Variants in RBMS3 observed in about 807,000 individuals in gnomAD.
RBMS3 encodes the protein RNA-binding motif, single-stranded-interacting protein 3.
In RBMS3, 27 loss-of-function variants were observed where a neutral mutation model predicts 66.8. The observed-to-expected ratio is 0.40, with a 90% CI of 0.30 to 0.56. The LOEUF (loss-of-function observed/expected upper bound fraction) is 0.56. RBMS3 is among the 20% of genes least tolerant of loss of function. The pLI, the probability that RBMS3 is intolerant of heterozygous loss-of-function variation, is 0.40. For missense variants in RBMS3, 513 were observed against 549.5 expected, an observed-to-expected ratio of 0.93 and a Z score of 0.66; for synonymous variants, 188 against 183.0, an observed-to-expected ratio of 1.03 and a Z score of -0.22.
intron 4 of RBMS3, among the ~76,000 whole-genome samples, chr3:29,673,756 T>C (rs945772391): frequency 6.6e-6 from 1 of 152,004 alleles, no homozygotes; most frequent in Non-Finnish European, 1.5e-5. Flanking sequence ...ATTGAGGCAA[T>C]AGTTAATAGC....
chr3:29,401,395 G>A (rs944356226), intron 1 of RBMS3, among the ~76,000 whole-genome samples: 10 of 151,944 alleles, frequency 6.6e-5, no homozygotes, highest in South Asian at 2.1e-4. Flanking sequence ...AGGCTGTCCC[G>A]CGTTTACAGT....
intron 1 of RBMS3, among the ~76,000 whole-genome samples, chr3:29,331,362 TA>T (rs1197392344): frequency 6.6e-6 from 1 of 152,084 alleles, no homozygotes; most frequent in Non-Finnish European, 1.5e-5. Flanking sequence ...TCCCTTTCCT[TA>T]AGTTAAGACG....
intron 3 of RBMS3, among the ~76,000 whole-genome samples, chr3:29,529,809 C>T (rs560421502): frequency 5.9e-5 from 9 of 152,082 alleles, no homozygotes; most frequent in South Asian, 2.1e-4. Context: ...GGTGAAATTA[C>T]GGGATTTTTT....
At chr3:29,543,966 C>G (rs976278711) in intron 3 of RBMS3, among the ~76,000 whole-genome samples, 8 of 151,922 alleles carry the variant, frequency 5.3e-5, no homozygotes, top group Admixed American at 5.3e-4. Flanking sequence ...TATCAAATAA[C>G]TGTTCATCAT....
chr3:29,528,241 T>C (rs191019276), intron 3 of RBMS3, among the ~76,000 whole-genome samples: 112 of 151,376 alleles, frequency 7.4e-4, no homozygotes, highest in African/African-American at 2.5e-3. Context: ...GCCTCTCAAA[T>C]AGCTGGGATT....
chr3:29,863,407 T>C (rs2059267189), intron 6 of RBMS3, among the ~76,000 whole-genome samples: 1 of 152,162 alleles, frequency 6.6e-6, no homozygotes, highest in African/African-American at 2.4e-5. Context: ...TCTGGAATTT[T>C]TTTAAATGTA....
At chr3:29,865,692 A>C (rs1391638617) in intron 6 of RBMS3, among the ~76,000 whole-genome samples, 1 of 152,188 alleles carries the variant, frequency 6.6e-6, no homozygotes, top group Non-Finnish European at 1.5e-5. Flanking sequence ...CCAAGAGGAC[A>C]ATCAAGTTCG....
intron 4 of RBMS3, among the ~76,000 whole-genome samples, chr3:29,738,560 A>G (rs1173465025): frequency 6.6e-6 from 1 of 152,236 alleles, no homozygotes; most frequent in East Asian, 1.9e-4. Flanking sequence ...TTATTTAAGC[A>G]TTATTGGTGC....
intron 3 of RBMS3, among the ~76,000 whole-genome samples, chr3:29,496,337 T>C (rs1229363553): frequency 6.6e-6 from 1 of 152,208 alleles, no homozygotes; most frequent in Non-Finnish European, 1.5e-5. Context: ...AGTATTAAGT[T>C]TACCACCAGT....
At chr3:29,944,120 G>T (rs1349335940) in intron 11 of RBMS3, 87 bp from the exon 12 acceptor site, 1 of 1,215,088 alleles carries the variant, frequency 8.2e-7, no homozygotes, top group African/African-American at 1.5e-5. Context: ...ATGACACACA[G>T]CGGACTCTTC....
intron 2 of RBMS3, 81 bp from the exon 3 acceptor site, chr3:29,488,360 T>A: frequency 8.3e-7 from 1 of 1,199,106 alleles, no homozygotes; most frequent in Middle Eastern, 2.5e-4. Flanking sequence ...CAGTTGTGTG[T>A]GCCCCGATGT....
At chr3:29,587,955 A>G (rs1429583470) in intron 4 of RBMS3, among the ~76,000 whole-genome samples, 16 of 152,052 alleles carry the variant, frequency 1.1e-4, no homozygotes, top group Admixed American at 9.2e-4. Flanking sequence ...TGGTGGTTAC[A>G]AGAATCTATA....
chr3:29,382,902 A>G (rs2038832695), intron 1 of RBMS3, among the ~76,000 whole-genome samples: 1 of 152,184 alleles, frequency 6.6e-6, no homozygotes, highest in South Asian at 2.1e-4. Context: ...TGATTAATGA[A>G]CAAGCCACAC....
At chr3:29,742,501 TCTC>T (rs2054691622) in intron 5 of RBMS3, among the ~76,000 whole-genome samples, 3 of 152,220 alleles carry the variant, frequency 2.0e-5, no homozygotes, top group Admixed American at 1.3e-4. Flanking sequence ...CCATGGCTCT[TCTC>T]CTGACTTCTG....
intron 1 of RBMS3, among the ~76,000 whole-genome samples, chr3:29,392,501 A>G (rs1158297501): frequency 6.6e-6 from 1 of 152,172 alleles, no homozygotes; most frequent in Admixed American, 6.5e-5. Flanking sequence ...AAATATTTGT[A>G]AAATAGTTGC....
At chr3:29,565,307 T>C (rs577084587) in intron 3 of RBMS3, among the ~76,000 whole-genome samples, 1 of 152,268 alleles carries the variant, frequency 6.6e-6, no homozygotes, top group African/African-American at 2.4e-5. Flanking sequence ...AAATGCACCA[T>C]AAAGAAAAAA....
chr3:29,361,250 C>T (rs1021195103), intron 1 of RBMS3, among the ~76,000 whole-genome samples: 1 of 151,984 alleles, frequency 6.6e-6, no homozygotes, highest in South Asian at 2.1e-4. Flanking sequence ...CTGGTGGTGA[C>T]AAAATCTCTC....
At position 29,409,872 on chromosome 3, in the gene RBMS3, GA is replaced by G. The variant is rs369892200; in HGVS notation, c.76-24870del. Among the ~76,000 whole-genome samples the G allele has an allele frequency of 3.3e-5, 5 of 152,232 alleles. No individual in the cohort carries two copies. The East Asian group carries it at 7.7e-4, about 23-fold the overall frequency. ...TAATGTAATGCTACTTAAATTAATT[GA>G]TTTTTTTTTCATTACTTCAGTATAC... On this transcript the variant is annotated intron_variant, in intron 1 of 14. Coordinates refer to ENST00000383767, the MANE Select transcript of RBMS3 (RefSeq NM_001003793.3).
chr3:29,682,424 A>T (rs1559564837), intron 4 of RBMS3, among the ~76,000 whole-genome samples: 1 of 152,190 alleles, frequency 6.6e-6, no homozygotes, highest in Non-Finnish European at 1.5e-5. Flanking sequence ...AAGTGCGGGG[A>T]TGACAGGCAT....
Sources: gnomAD v4.1 joint callset for allele counts (sites outside exome capture counted in the v4.1 genomes callset) on GRCh38, gnomAD v4.1.1 for gene constraint, MANE v1.5 for transcripts, NCBI Gene and HGNC (gene_info 2026-07-23, HGNC 2026-07-21) for gene names.